TOPBP1: variants seen among roughly 807,000 people sequenced by gnomAD.
The protein encoded by TOPBP1 is DNA topoisomerase II binding protein 1.
A neutral mutation model predicts 167.7 loss-of-function variants in TOPBP1; 28 were observed. The observed-to-expected ratio is 0.17, with a 90% CI of 0.12 to 0.23. The LOEUF is 0.23. Among genes scored for constraint, TOPBP1 ranks in the 10% least tolerant of loss-of-function variants. The pLI is 1.00. For missense variants in TOPBP1, 1,554 were observed against 1,809.6 expected (o/e 0.86, Z 2.56); for synonymous variants, 598 against 611.4 (o/e 0.98, Z 0.32).
In TOPBP1 at chr3:133,649,616, G is replaced by A. The variant is rs1258385197; in HGVS notation, c.1271C>T (p.Ala424Val). The change falls in exon 10 of 28, where the codon GCA (alanine) becomes GTA (valine). Residue 424 changes from alanine (A) to valine (V), a missense_variant. Around this residue, in one of 3 missense-constraint regions of TOPBP1, gnomAD observed 1,197 missense variants for 1,351.5 expected, o/e 0.89. Coordinates refer to ENST00000260810, the MANE Select transcript of TOPBP1 (RefSeq NM_007027.4). The part of the protein sequence containing the change: ...KSAHRPHVVG[A>V]KWLLECFSKG... ...ACTGAAACACTCTAGCAACCACTTT[G>A]CTCCCACTACATGAGGCCTACAAAA... 2 of 1,613,424 alleles carry A rather than the reference G, an allele frequency of 1.2e-6. No homozygotes were observed. Among genetic ancestry groups the A allele is most frequent in the African/African-American group, 2.7e-5 (2 of 74,890 alleles).
At chr3:133,639,738 G>C (rs1301645045) in intron 13 of TOPBP1, among the ~76,000 whole-genome samples, 2 of 152,042 alleles carry the variant, frequency 1.3e-5, no homozygotes, top group Admixed American at 6.6e-5. Context: ...AGGAGAGATA[G>C]CATGTTAATT....
rs569970134 is a variant in TOPBP1 at position 133,604,018 on chromosome 3, T to C, written c.4426-2625A>G. Among the ~76,000 whole-genome samples the C allele has an allele frequency of 2.6e-5, 4 of 151,630 alleles. No homozygotes were observed. In the South Asian group the frequency reaches 6.2e-4, roughly 24 times the overall value. ...TGGAATTCAATGGGCAATCACAAATTAAAAAGATAGAAAAAAAAATCCTCT... is the reference window on the plus strand; with the variant it reads ...TGGAATTCAATGGGCAATCACAAATCAAAAAGATAGAAAAAAAAATCCTCT... On this transcript the variant is annotated intron_variant, in intron 27 of 27. Coordinates refer to ENST00000260810, the MANE Select transcript of TOPBP1 (RefSeq NM_007027.4).
intron 27 of TOPBP1, among the ~76,000 whole-genome samples, chr3:133,604,309 G>C (rs1010271863): frequency 6.6e-6 from 1 of 151,338 alleles, no homozygotes; most frequent in African/African-American, 2.4e-5. Context: ...TAATTTTTTT[G>C]TATTTTTAGT....
intron 19 of TOPBP1, 146 bp from the exon 20 acceptor site, chr3:133,620,493 T>C: frequency 1.3e-6 from 1 of 784,574 alleles, no homozygotes; most frequent in Non-Finnish European, 2.0e-6. Flanking sequence ...AGTAATGTAC[T>C]AAAACTATGA....
At chr3:133,643,113 C>T in intron 12 of TOPBP1, 87 bp downstream of exon 12, 1 of 1,333,678 alleles carries the variant, frequency 7.5e-7, no homozygotes, top group Non-Finnish European at 9.9e-7. Flanking sequence ...AGACACCCAA[C>T]CAAATTCTAA....
intron 12 of TOPBP1, 104 bp from the exon 13 acceptor site, chr3:133,640,274 T>TA (rs908470025): frequency 3.5e-4 from 319 of 918,758 alleles, no homozygotes; most frequent in Non-Finnish European, 4.3e-4. Context: ...CATGTAAGTA[T>TA]AAAAAAAAAT....
chr3:133,601,458 A>AT (rs1051652569), intron 27 of TOPBP1, 65 bp from the exon 28 acceptor site: 52 of 1,266,174 alleles, frequency 4.1e-5, no homozygotes, highest in South Asian at 2.3e-4. Flanking sequence ...CTGGTAATAG[A>AT]TTTTTTCTTT....
At chr3:133,638,847 TG>T (rs1935768936) in intron 13 of TOPBP1, among the ~76,000 whole-genome samples, 1 of 152,206 alleles carries the variant, frequency 6.6e-6, no homozygotes, top group Non-Finnish European at 1.5e-5. Context: ...GTGTTAGACA[TG>T]GGAAATACAG....
At chr3:133,656,437 T>C (rs1465560353) in intron 5 of TOPBP1, among the ~76,000 whole-genome samples, 1 of 152,216 alleles carries the variant, frequency 6.6e-6, no homozygotes, top group Middle Eastern at 3.2e-3. Context: ...CTGAGAACTT[T>C]ATCACCAAAG....
At chr3:133,656,584 T>A (rs887653696) in intron 5 of TOPBP1, 92 bp downstream of exon 5, 5 of 1,253,878 alleles carry the variant, frequency 4.0e-6, no homozygotes, top group Admixed American at 3.1e-5. Flanking sequence ...TTTTTTTCCC[T>A]GAATAGTAAG....
chr3:133,601,517 C>A, intron 27 of TOPBP1, 124 bp from the exon 28 acceptor site: 1 of 738,032 alleles, frequency 1.4e-6, no homozygotes. Context: ...AAGGAAAACG[C>A]ATATTCATTC....
chr3:133,643,921 T>C (rs1935985593), intron 11 of TOPBP1, 99 bp downstream of exon 11: 10 of 1,239,064 alleles, frequency 8.1e-6, no homozygotes, highest in South Asian at 1.6e-5. Context: ...AGTCCAAGCA[T>C]TGATTTACTG....
At chr3:133,618,576 A>C in intron 20 of TOPBP1, 143 bp from the exon 21 acceptor site, 3 of 641,800 alleles carry the variant, frequency 4.7e-6, no homozygotes, top group Non-Finnish European at 7.5e-6. Flanking sequence ...TATTAAATAA[A>C]TGAACCTAGG....
chr3:133,661,282 G>A (rs1262202322), intron 1 of TOPBP1, 148 bp from the exon 2 acceptor site: 5 of 600,108 alleles, frequency 8.3e-6, no homozygotes, highest in Non-Finnish European at 1.4e-5. Flanking sequence ...GCATTTCTAA[G>A]AAATCCTGGA....
At chr3:133,641,879 G>A (rs1935899504) in intron 12 of TOPBP1, among the ~76,000 whole-genome samples, 2 of 152,142 alleles carry the variant, frequency 1.3e-5, no homozygotes, top group African/African-American at 4.8e-5. Flanking sequence ...ATTATAAGGT[G>A]AAACCCTTAA....
Position 133,655,464 on chromosome 3 carries a change from T to C in TOPBP1, c.568A>G (p.Ile190Val), listed in dbSNP as rs770614586. ...GGACACTTGAAATCTTCCATGTTTA[T>C]ATCAGTATATCTAGTTATTTTTCTG... ...QEKKITRYTD[I>V]NMEDFKCPIF... The change falls in exon 6 of 28, where the codon ATA (isoleucine) becomes GTA (valine). Residue 190 changes from isoleucine to valine, a missense_variant. Ile to Val is a conservative substitution (Grantham distance 29). Transcript: ENST00000260810. 19 of 1,547,724 alleles carry C rather than the reference T, an allele frequency of 1.2e-5. No homozygotes were observed. The highest frequency in any genetic ancestry group is 1.6e-5 in the Non-Finnish European group (18 of 1,146,278).
chr3:133,644,398 A>G, intron 10 of TOPBP1, 35 bp from the exon 11 acceptor site: 3 of 1,493,712 alleles, frequency 2.0e-6, no homozygotes, highest in Non-Finnish European at 2.7e-6. Context: ...CTAACCAACA[A>G]TTTACCTTAT....
At position 133,617,217 on chromosome 3, in the gene TOPBP1, G is replaced by T; in HGVS notation, c.3702C>A (p.Ala1234=). ...KDSHLIPTPQ[A]PSIAFPLANP... ...TGGCGAGTGGAAAGGCAATACTGGG[G>T]GCTTGAGGCGTAGGGATCAGGTGGC... Residue 1234 remains alanine (A), a synonymous_variant, in exon 22 of 28, where the codon GCC becomes GCA. Coordinates refer to ENST00000260810, the MANE Select transcript of TOPBP1 (RefSeq NM_007027.4). The T allele has an allele frequency of 1.2e-6, 2 of 1,613,816 alleles. No homozygotes were observed. The highest frequency in any genetic ancestry group is 1.7e-6 in the Non-Finnish European group (2 of 1,179,832).
rs1419518529 is a variant in TOPBP1, at chr3:133,661,792, G to C, written c.-31C>G. 1 of 152,642 alleles carries C rather than the reference G, an allele frequency of 6.6e-6. No homozygotes were observed. The highest frequency in any genetic ancestry group is 2.4e-5 in the African/African-American group (1 of 41,462). The allele number at this position is 152,642 out of a possible 1,614,324, so 9.5% of individuals were successfully genotyped here. ...ACCTCGTTGGAGCCTCGGGGTCTCC[G>C]GGCGGCGAGTCGGGGGACGCGCTGG... On this transcript the variant is annotated 5_prime_UTR_variant, in exon 1 of 28. Transcript: ENST00000260810.
Sources: gnomAD v4.1 joint callset for allele counts (sites outside exome capture counted in the v4.1 genomes callset) on GRCh38, gnomAD v4.1.1 for gene constraint, gnomAD v4.1.1 regional missense constraint, MANE v1.5 for transcripts, NCBI Gene and HGNC (gene_info 2026-07-23, HGNC 2026-07-21) for gene names.